NMBR: variants seen among roughly 807,000 people sequenced by gnomAD.
NMBR encodes neuromedin B receptor, also known as neuromedin-B receptor.
NMBR carries 16 observed loss-of-function variants against 20.5 expected under a neutral mutation model. The observed-to-expected ratio is 0.78, with a 90% CI of 0.53 to 1.19. The LOEUF (loss-of-function observed/expected upper bound fraction) is 1.19. Ranked by LOEUF, NMBR falls within the 50% of genes most tolerant of loss-of-function variation. The pLI is 0.00. For synonymous variants in NMBR, 212 were observed against 196.6 expected, an observed-to-expected ratio of 1.08 and a Z score of -0.65; for missense variants, 582 against 499.1, an observed-to-expected ratio of 1.17 and a Z score of -1.58.
At chr6:142,131,799 A>T (rs1484641532) in intron 1 of NMBR, among the ~76,000 whole-genome samples, 1 of 152,276 alleles carries the variant, frequency 6.6e-6, no homozygotes, top group Middle Eastern at 3.4e-3. Flanking sequence ...GTTCAAGACA[A>T]TTCTATACAC....
At position 142,118,502 on chromosome 6, in the gene NMBR, G is replaced by T. The variant is rs761026716; in HGVS notation, c.-664+28542C>A. Among the ~76,000 whole-genome samples, 47 of 152,026 alleles carry T rather than the reference G, an allele frequency of 3.1e-4. 1 individual carries two copies. The highest frequency in any genetic ancestry group is 1.7e-4 in the African/African-American group (7 of 41,524). On this transcript the variant is annotated intron_variant, in intron 1 of 3. Transcript: ENST00000258042. ...CATCTGAAGGACTGATGACTAAGTT[G>T]CCTAGAGCTATCATTTTTTGAATTT...
chr6:142,128,027 A>C (rs989700646), intron 1 of NMBR, among the ~76,000 whole-genome samples: 7 of 151,950 alleles, frequency 4.6e-5, no homozygotes, highest in Non-Finnish European at 7.4e-5. Context: ...TGTAATCCTC[A>C]ATGTTGGAGG....
intron 1 of NMBR, among the ~76,000 whole-genome samples, chr6:142,101,997 A>C (rs948773269): frequency 1.3e-5 from 2 of 152,176 alleles, no homozygotes; most frequent in African/African-American, 4.8e-5. Context: ...TATTAAGACT[A>C]TCAGGAGGAT....
chr6:142,087,198 AT>A (rs990629398), intron 2 of NMBR, among the ~76,000 whole-genome samples: 38 of 152,304 alleles, frequency 2.5e-4, no homozygotes, highest in African/African-American at 8.7e-4. Context: ...GTATTCCAGT[AT>A]TCTTGCAAAT....
chr6:142,126,204 T>C (rs1211547843), intron 1 of NMBR, among the ~76,000 whole-genome samples: 2 of 151,440 alleles, frequency 1.3e-5, no homozygotes, highest in African/African-American at 4.9e-5. Flanking sequence ...TTTTCATTCA[T>C]GTTGCAAATG....
chr6:142,131,697 A>T (rs115615411), intron 1 of NMBR, among the ~76,000 whole-genome samples: 1,744 of 152,260 alleles, frequency 0.011, 30 homozygotes, highest in African/African-American at 0.039. Flanking sequence ...TTGGATCAGA[A>T]CATGTAAGAG....
At chr6:142,091,369 G>T (rs1351309690) in intron 1 of NMBR, among the ~76,000 whole-genome samples, 2 of 152,080 alleles carry the variant, frequency 1.3e-5, no homozygotes, top group Non-Finnish European at 2.9e-5. Flanking sequence ...GACCGCAAGT[G>T]TGCCCCACCA....
At chr6:142,141,027 T>C (rs1420739688) in intron 1 of NMBR, among the ~76,000 whole-genome samples, 1 of 152,082 alleles carries the variant, frequency 6.6e-6, no homozygotes, top group African/African-American at 2.4e-5. Flanking sequence ...ACAAAGTAAA[T>C]AGAATATCAA....
At chr6:142,087,820 T>G (rs1777227587) in intron 2 of NMBR, among the ~76,000 whole-genome samples, 1 of 152,144 alleles carries the variant, frequency 6.6e-6, no homozygotes, top group Non-Finnish European at 1.5e-5. Context: ...TAAGCAGACA[T>G]TCTTACCTAT....
rs117591970 is a variant in NMBR at position 142,126,267 on chromosome 6, G to A, written c.-664+20777C>T. ...ACAATATTCCTCTCTCTCTCTGTGT[G>A]TGTGTGTGTGTGTGTGTGAGATTTC... On this transcript the variant is annotated intron_variant, in intron 1 of 3. Transcript: ENST00000258042. Among the ~76,000 whole-genome samples the A allele has an allele frequency of 7.2e-4, 77 of 107,320 alleles. 1 individual carries two copies. In the East Asian group the frequency reaches 0.017, roughly 23 times the overall value. The allele number at this position is 107,320 out of a possible 152,430, so 70.4% of individuals were successfully genotyped here. A position where few individuals can be genotyped will look rare whatever the true frequency, so the allele number is the denominator to read the frequency against.
Position 142,088,494 on chromosome 6 carries a change from G to C in NMBR, c.165C>G (p.Thr55=), listed in dbSNP as rs375912620. The change falls in exon 2 of 4, where the codon ACC becomes ACG. Residue 55 remains threonine (T), a synonymous_variant. Transcript: ENST00000258042. ...VIPSLYLLII[T]VGLLGNIMLV... The stretch of plus-strand genomic sequence containing the variant: ...GCATGATGTTGCCCAGCAAGCCCAC[G>C]GTGATGATGAGCAGGTAGAGGGACG... The C allele has an allele frequency of 9.3e-6, 15 of 1,613,940 alleles. No homozygotes were observed. The highest frequency in any genetic ancestry group is 1.1e-5 in the Non-Finnish European group (13 of 1,180,014).
rs767802880 is a variant in NMBR, at chr6:142,088,368, G to A, written c.291C>T (p.Val97=). ...AGAAGTAGCGCGAGGCGTCCACCGG[G>A]ACGCAGGTGAGCAGCAGCAGCAAGT... ...AGDLLLLLTC[V]PVDASRYFFD... The change falls in exon 2 of 4, where the codon GTC becomes GTT. Residue 97 remains valine, a synonymous_variant. Coordinates refer to ENST00000258042, the MANE Select transcript of NMBR (RefSeq NM_002511.4). The A allele has an allele frequency of 2.5e-6, 4 of 1,614,206 alleles. No homozygotes were observed. In the South Asian group the frequency reaches 4.4e-5, roughly 18 times the overall value.
chr6:142,094,420 T>C (rs538300981), intron 1 of NMBR, among the ~76,000 whole-genome samples: 12 of 152,332 alleles, frequency 7.9e-5, no homozygotes, highest in African/African-American at 2.9e-4. Context: ...CCTTTCCCCA[T>C]TTCTTGTTTT....
At chr6:142,090,927 T>C (rs1335415066) in intron 1 of NMBR, among the ~76,000 whole-genome samples, 3 of 152,068 alleles carry the variant, frequency 2.0e-5, no homozygotes, top group Admixed American at 1.3e-4. Flanking sequence ...AAATGTTTAG[T>C]CTAAAAGCTG....
intron 1 of NMBR, among the ~76,000 whole-genome samples, chr6:142,099,063 T>C (rs1267128531): frequency 6.6e-6 from 1 of 152,188 alleles, no homozygotes; most frequent in Admixed American, 6.5e-5. Context: ...GAACCAAGAT[T>C]AGTCCTTTCA....
At position 142,088,947 on chromosome 6, in the gene NMBR, C is replaced by A; in HGVS notation, c.-289G>T. On this transcript the variant is annotated 5_prime_UTR_variant, in exon 2 of 4. Transcript: ENST00000258042. ...AGCGGTTGCGTCTTTGTTCCGTATTCAGTGGTTTGTTCTCGCGGTTATCTA... is the reference window on the plus strand; with the variant it reads ...AGCGGTTGCGTCTTTGTTCCGTATTAAGTGGTTTGTTCTCGCGGTTATCTA... The A allele has an allele frequency of 3.0e-6, 1 of 335,392 alleles. No homozygotes were observed. Among genetic ancestry groups the A allele is most frequent in the Non-Finnish European group, 5.5e-6 (1 of 181,916 alleles). 20.8% of individuals were successfully genotyped at this position (335,392 alleles called of 1,614,324 possible). A position where few individuals can be genotyped will look rare whatever the true frequency, so the allele number is the denominator to read the frequency against.
intron 2 of NMBR, among the ~76,000 whole-genome samples, chr6:142,080,494 G>C (rs907370157): frequency 1.3e-5 from 2 of 151,520 alleles, no homozygotes; most frequent in African/African-American, 4.8e-5. Context: ...TATTTTTGTA[G>C]ACAGGAGGTT....
At chr6:142,129,512 A>G (rs1190127919) in intron 1 of NMBR, among the ~76,000 whole-genome samples, 1 of 152,112 alleles carries the variant, frequency 6.6e-6, no homozygotes, top group Non-Finnish European at 1.5e-5. Context: ...GTCCTTGCTT[A>G]CAAGTAGATG....
intron 1 of NMBR, among the ~76,000 whole-genome samples, chr6:142,119,293 C>T (rs552916277): frequency 3.3e-5 from 5 of 151,966 alleles, no homozygotes; most frequent in Non-Finnish European, 7.4e-5. Context: ...ATTCACCACA[C>T]CAGGATGGGA....
Sources: allele counts gnomAD v4.1 joint callset (sites outside exome capture counted in the v4.1 genomes callset), GRCh38; gene constraint gnomAD v4.1.1; transcripts MANE v1.5; gene names NCBI Gene and HGNC (gene_info 2026-07-23, HGNC 2026-07-21).